Variants in ENDOU observed in about 807,000 individuals in gnomAD.
ENDOU encodes endonuclease, poly(U) specific, also known as uridylate-specific endoribonuclease.
A neutral mutation model predicts 54.2 loss-of-function variants in ENDOU; 49 were observed. That is an observed-to-expected ratio of 0.90 (90% CI 0.72 to 1.15). The LOEUF is 1.15. Ranked by LOEUF, ENDOU falls within the 50% of genes most tolerant of loss-of-function variation. The probability of loss-of-function intolerance (pLI) is 0.00; values close to 1 mark genes in which losing one functional copy is unlikely to be tolerated. For synonymous variants in ENDOU, 172 were observed against 190.5 expected, an observed-to-expected ratio of 0.90 and a Z score of 0.80; for missense variants, 458 against 511.4, an observed-to-expected ratio of 0.90 and a Z score of 1.01.
chr12:47,717,972 C>A (rs1001013715), intron 3 of ENDOU, 157 bp downstream of exon 3: 5 of 711,412 alleles, frequency 7.0e-6, no homozygotes, highest in Non-Finnish European at 1.1e-5. Context: ...GCTGAGCCCC[C>A]CCAGGCTTCT....
chr12:47,713,745 G>C (rs556907355), intron 6 of ENDOU, among the ~76,000 whole-genome samples: 7 of 150,884 alleles, frequency 4.6e-5, no homozygotes, highest in South Asian at 4.2e-4. Context: ...GTTGGCGGGG[G>C]GGGGGGGTCT....
At chr12:47,717,893 C>A (rs1478632070) in intron 3 of ENDOU, 2 of 608,658 alleles carry the variant, frequency 3.3e-6, no homozygotes, top group Non-Finnish European at 5.7e-6. Flanking sequence ...AATAAAATCT[C>A]TTCCACTTCC....
intron 8 of ENDOU, among the ~76,000 whole-genome samples, 187 bp from the exon 9 acceptor site, chr12:47,711,962 C>T (rs533294692): frequency 7.9e-5 from 12 of 152,250 alleles, no homozygotes; most frequent in African/African-American, 2.4e-4. Context: ...TGAGCCCACC[C>T]GGACCCTCTG....
chr12:47,715,408 TTC>T (rs1940191192), intron 6 of ENDOU, among the ~76,000 whole-genome samples: 5 of 152,348 alleles, frequency 3.3e-5, no homozygotes, highest in Admixed American at 2.0e-4. Context: ...TGGCCTCCGT[TTC>T]TCTCATTTGA....
chr12:47,713,556 T>A (rs1436578167), intron 6 of ENDOU, among the ~76,000 whole-genome samples, 168 bp from the exon 7 acceptor site: 2 of 152,194 alleles, frequency 1.3e-5, no homozygotes, highest in Non-Finnish European at 2.9e-5. Context: ...GATGCCTATT[T>A]TGTGCCAAAT....
chr12:47,720,678 T>C, intron 2 of ENDOU, 75 bp downstream of exon 2: 6 of 1,486,760 alleles, frequency 4.0e-6, no homozygotes, highest in Non-Finnish European at 3.6e-6. Context: ...TGAACGCTGC[T>C]CTGGCCTGCT....
intron 6 of ENDOU, among the ~76,000 whole-genome samples, chr12:47,715,499 T>A (rs1288669238): frequency 6.6e-6 from 1 of 152,224 alleles, no homozygotes; most frequent in African/African-American, 2.4e-5. Context: ...CAGCACAGGA[T>A]TGCAACTTCT....
chr12:47,717,615 G>T lies in ENDOU; in HGVS notation c.285C>A (p.Tyr95Ter). The T allele has an allele frequency of 5.0e-6, 8 of 1,614,148 alleles. No homozygotes were observed. The highest frequency in any genetic ancestry group is 5.9e-6 in the Non-Finnish European group (7 of 1,180,026). ...SAPTSCQGRC[Y>*]EAFDKHHQCH... is the part of the protein sequence containing the mutation. ...ATTGGTGGTGCTTGTCAAAGGCTTC[G>T]TAGCAGCGGCCCTGGCAGGAGGTGG... The change falls in exon 4 of 10, where the codon TAC becomes TAA. Residue 95 changes from tyrosine (Y) to a stop codon, truncating the protein, a stop_gained. Transcript: ENST00000422538. LOFTEE classifies it high-confidence loss of function.
At chr12:47,720,570 G>A (rs1029380005) in intron 2 of ENDOU, 183 bp downstream of exon 2, 12 of 473,944 alleles carry the variant, frequency 2.5e-5, no homozygotes, top group Admixed American at 4.0e-5. Flanking sequence ...TAAGTTGGGG[G>A]CATCCTAGAA....
At chr12:47,717,971 C>G (rs1940315532) in intron 3 of ENDOU, 158 bp downstream of exon 3, 7 of 707,572 alleles carry the variant, frequency 9.9e-6, no homozygotes, top group Admixed American at 2.9e-5. Context: ...GGCTGAGCCC[C>G]CCCAGGCTTC....
At chr12:47,711,871 G>GCAGCCACAGACTT in intron 8 of ENDOU, 96 bp from the exon 9 acceptor site, 1 of 1,328,986 alleles carries the variant, frequency 7.5e-7, no homozygotes, top group East Asian at 2.3e-5. Context: ...ATTTGTTGAG[G>GCAGCCACAGACTT]GTCCATTAGG....
At chr12:47,713,219 C>G (rs1940098824) in intron 7 of ENDOU, 56 bp downstream of exon 7, 1 of 1,274,540 alleles carries the variant, frequency 7.8e-7, no homozygotes, top group Non-Finnish European at 1.1e-6. Flanking sequence ...TGCTCCTGAG[C>G]AAAGCCATTC....
At chr12:47,712,456 A>G in intron 8 of ENDOU, 60 bp downstream of exon 8, 2 of 1,313,218 alleles carry the variant, frequency 1.5e-6, no homozygotes, top group Non-Finnish European at 2.2e-6. Context: ...ACAGTTTGGA[A>G]CACAGAGTGA....
rs1939950816 is a variant in ENDOU at position 47,710,602 on chromosome 12, G to T, written c.*200C>A. On this transcript the variant is annotated 3_prime_UTR_variant, in exon 10 of 10. Coordinates refer to ENST00000422538, the MANE Select transcript of ENDOU (RefSeq NM_001172439.2). Reference sequence around the variant, plus strand: ...CATTGCCAAAATTCTAGAGGATAAAGGTTTGACTGTTTATCCACATTTTTC... The same window carrying T: ...CATTGCCAAAATTCTAGAGGATAAATGTTTGACTGTTTATCCACATTTTTC... 2 of 542,504 alleles carry T rather than the reference G, an allele frequency of 3.7e-6. No individual in the cohort carries two copies. The highest frequency in any genetic ancestry group is 1.9e-5 in the African/African-American group (1 of 52,738). The allele number at this position is 542,504 out of a possible 1,614,324, so 33.6% of individuals were successfully genotyped here.
intron 9 of ENDOU, 42 bp downstream of exon 9, chr12:47,711,591 C>A: frequency 6.3e-7 from 1 of 1,597,750 alleles, no homozygotes; most frequent in Non-Finnish European, 8.5e-7. Flanking sequence ...GGACAGCCTG[C>A]AGCCCCAGTC....
At chr12:47,724,220 A>C (rs1342812005) in intron 1 of ENDOU, among the ~76,000 whole-genome samples, 2 of 151,970 alleles carry the variant, frequency 1.3e-5, no homozygotes, top group Non-Finnish European at 2.9e-5. Context: ...CTTCCTCCCA[A>C]CCAACAGGGC....
Position 47,725,484 on chromosome 12 carries a change from C to G in ENDOU, c.-71G>C, listed in dbSNP as rs1329550621. On this transcript the variant is annotated 5_prime_UTR_variant, in exon 1 of 10. Coordinates refer to ENST00000422538, the MANE Select transcript of ENDOU (RefSeq NM_001172439.2). Reference sequence around the variant, plus strand: ...CTAGAGTCAGATGAATGTCACAGCTCTCAGACGAGCCTTATTCCTCAAGCT... The same window carrying G: ...CTAGAGTCAGATGAATGTCACAGCTGTCAGACGAGCCTTATTCCTCAAGCT... 4.9e-6 allele frequency: 7 copies of G among 1,437,300 alleles called. No homozygotes were observed. Among genetic ancestry groups the G allele is most frequent in the Non-Finnish European group, 6.8e-6 (7 of 1,024,594 alleles). The allele number at this position is 1,437,300 out of a possible 1,614,324, so 89.0% of individuals were successfully genotyped here. A position where few individuals can be genotyped will look rare whatever the true frequency, so the allele number is the denominator to read the frequency against.
chr12:47,714,341 G>A (rs1940148391), intron 6 of ENDOU, among the ~76,000 whole-genome samples: 1 of 152,222 alleles, frequency 6.6e-6, no homozygotes, highest in Non-Finnish European at 1.5e-5. Flanking sequence ...ATTTTAAGCA[G>A]GGGAATTGTA....
At chr12:47,722,927 T>C (rs1940479628) in intron 1 of ENDOU, among the ~76,000 whole-genome samples, 2 of 152,196 alleles carry the variant, frequency 1.3e-5, no homozygotes, top group Admixed American at 1.3e-4. Flanking sequence ...TAAATGATGC[T>C]CCCTTGGAGC....
Sources: gnomAD v4.1 joint callset for allele counts (sites outside exome capture counted in the v4.1 genomes callset) on GRCh38, gnomAD v4.1.1 for gene constraint, MANE v1.5 for transcripts, NCBI Gene and HGNC (gene_info 2026-07-23, HGNC 2026-07-21) for gene names.